Variants in BCKDHB observed in about 807,000 individuals in gnomAD.
BCKDHB encodes the protein branched chain keto acid dehydrogenase E1 subunit beta, also known as 2-oxoisovalerate dehydrogenase subunit beta, mitochondrial.
Under a neutral mutation model 48.5 loss-of-function variants are expected in BCKDHB, and 41 were observed. The observed-to-expected ratio is 0.85, with a 90% CI of 0.66 to 1.10. The LOEUF (loss-of-function observed/expected upper bound fraction) is 1.10. Among genes scored for constraint, BCKDHB ranks in the 50% least tolerant of loss-of-function variants. The pLI is 0.00. For missense variants in BCKDHB, 496 were observed against 494.2 expected (o/e 1.00, Z -0.03); for synonymous variants, 201 against 174.8 (o/e 1.15, Z -1.18).
chr6:80,302,429 T>C (rs1767634188), intron 9 of BCKDHB, among the ~76,000 whole-genome samples: 1 of 152,178 alleles, frequency 6.6e-6, no homozygotes, highest in Non-Finnish European at 1.5e-5. Flanking sequence ...TTTGCAATGA[T>C]GTTGTGAGGA....
chr6:80,343,815 A>G lies in BCKDHB; in HGVS notation c.*11A>G, dbSNP rs1770046099. On this transcript the variant is annotated 3_prime_UTR_variant, in exon 10 of 10. Coordinates refer to ENST00000320393, the MANE Select transcript of BCKDHB (RefSeq NM_183050.4). ...ATGATCAACTATTGACCATATAGGT[A>G]GGTATGCATCTTGAGAAAGCTACTA... 2.5e-6 allele frequency: 4 copies of G among 1,613,712 alleles called. No individual in the cohort carries two copies. In the Admixed American group the frequency reaches 5.0e-5, roughly 20 times the overall value.
At chr6:80,451,706 G>A in the BCKDHB span, among the ~76,000 whole-genome samples, 1 of 151,360 alleles carries the variant, frequency 6.6e-6, no homozygotes, top group East Asian at 1.9e-4. Context: ...TCCAGCCTGG[G>A]TGACAGAGTG....
chr6:80,420,620 C>T, the BCKDHB span, among the ~76,000 whole-genome samples: 1 of 152,198 alleles, frequency 6.6e-6, no homozygotes, highest in African/African-American at 2.4e-5. Flanking sequence ...GAGGTGCTGT[C>T]TACAGAGGAA....
At chr6:80,359,098 G>A in the BCKDHB span, among the ~76,000 whole-genome samples, 7 of 152,166 alleles carry the variant, frequency 4.6e-5, no homozygotes, top group South Asian at 2.1e-4. Context: ...CAAGTTCTTC[G>A]TGGGTCTGAG....
intron 4 of BCKDHB, 112 bp from the exon 5 acceptor site, chr6:80,168,763 T>G: frequency 2.1e-6 from 2 of 962,332 alleles, no homozygotes; most frequent in Non-Finnish European, 2.9e-6. Context: ...AGGGAAAGAC[T>G]CATTGTGCCT....
chr6:80,298,938 T>C (rs757056166), intron 9 of BCKDHB, among the ~76,000 whole-genome samples: 1 of 152,192 alleles, frequency 6.6e-6, no homozygotes, highest in Non-Finnish European at 1.5e-5. Context: ...CCATGTCCTA[T>C]GGTCCCGTAT....
chr6:80,186,294 T>G (rs1301262411), intron 6 of BCKDHB, among the ~76,000 whole-genome samples: 1 of 151,990 alleles, frequency 6.6e-6, no homozygotes, highest in Non-Finnish European at 1.5e-5. Flanking sequence ...TGGGTGATGT[T>G]CCGGGGCATT....
the BCKDHB span, among the ~76,000 whole-genome samples, chr6:80,410,522 A>G: frequency 6.6e-6 from 1 of 152,266 alleles, no homozygotes; most frequent in East Asian, 1.9e-4. Flanking sequence ...TCTGCTGTAC[A>G]ATATACTGAA....
chr6:80,147,241 C>T (rs999740935), intron 3 of BCKDHB, among the ~76,000 whole-genome samples: 3 of 152,078 alleles, frequency 2.0e-5, no homozygotes, highest in Non-Finnish European at 4.4e-5. Context: ...CAACTGAAAC[C>T]AGGCCTGAGA....
intron 9 of BCKDHB, among the ~76,000 whole-genome samples, chr6:80,330,457 AT>A (rs1480177195): frequency 6.6e-6 from 1 of 152,136 alleles, no homozygotes; most frequent in East Asian, 1.9e-4. Context: ...ATATTTACTG[AT>A]CCCTGCTCCA....
chr6:80,292,785 C>G (rs1766999459), intron 9 of BCKDHB, among the ~76,000 whole-genome samples: 1 of 152,154 alleles, frequency 6.6e-6, no homozygotes, highest in African/African-American at 2.4e-5. Flanking sequence ...TAGTTACTTC[C>G]TAGATACAGT....
chr6:80,308,870 C>A (rs953743271), intron 9 of BCKDHB, among the ~76,000 whole-genome samples: 1 of 151,936 alleles, frequency 6.6e-6, no homozygotes, highest in Non-Finnish European at 1.5e-5. Context: ...TGTCAGCCAC[C>A]GCACCCGGCC....
the BCKDHB span, among the ~76,000 whole-genome samples, chr6:80,412,675 A>G: frequency 6.6e-6 from 1 of 152,156 alleles, no homozygotes; most frequent in Non-Finnish European, 1.5e-5. Context: ...TTTAACTTGA[A>G]TAATTCCCTT....
chr6:80,159,938 A>G (rs976148951), intron 3 of BCKDHB, among the ~76,000 whole-genome samples: 6 of 152,250 alleles, frequency 3.9e-5, no homozygotes, highest in Non-Finnish European at 8.8e-5. Flanking sequence ...AGAAATAGAC[A>G]GTTTTAAATC....
chr6:80,433,143 G>A, the BCKDHB span, among the ~76,000 whole-genome samples: 1 of 152,106 alleles, frequency 6.6e-6, no homozygotes, highest in Non-Finnish European at 1.5e-5. Flanking sequence ...AGGAGGTCAG[G>A]GACCTACTTG....
intron 9 of BCKDHB, among the ~76,000 whole-genome samples, chr6:80,294,462 C>T (rs1767116080): frequency 1.3e-5 from 2 of 152,184 alleles, no homozygotes; most frequent in African/African-American, 2.4e-5. Context: ...GTCTGACCGC[C>T]TGTGGGGTTG....
chr6:80,365,854 G>A, the BCKDHB span, among the ~76,000 whole-genome samples: 5,438 of 152,204 alleles, frequency 0.036, 353 homozygotes, highest in African/African-American at 0.12. Flanking sequence ...GGCTCCAGCC[G>A]GTCCCTCCAT....
At chr6:80,294,517 C>T (rs779902473) in intron 9 of BCKDHB, among the ~76,000 whole-genome samples, 25 of 152,126 alleles carry the variant, frequency 1.6e-4, no homozygotes, top group African/African-American at 2.4e-4. Flanking sequence ...GCCTATAAAC[C>T]GATGTGCAAG....
the BCKDHB span, among the ~76,000 whole-genome samples, chr6:80,407,384 T>C: frequency 6.6e-6 from 1 of 151,900 alleles, no homozygotes; most frequent in African/African-American, 2.4e-5. Context: ...TTTTTTCCAA[T>C]TCTGTGAAGA....
Sources: gnomAD v4.1 joint callset for allele counts (sites outside exome capture counted in the v4.1 genomes callset) on GRCh38, gnomAD v4.1.1 for gene constraint, MANE v1.5 for transcripts, NCBI Gene and HGNC (gene_info 2026-07-23, HGNC 2026-07-21) for gene names.